PI16: variants seen among roughly 807,000 people sequenced by gnomAD.
The protein encoded by PI16 is PSP94-binding protein.
PI16 carries 35 observed loss-of-function variants against 38.0 expected under a neutral mutation model. The observed-to-expected ratio is 0.92, with a 90% CI of 0.70 to 1.22. PI16 has a LOEUF of 1.22. Among genes scored for constraint, PI16 ranks in the 50% most tolerant of loss-of-function variants. The pLI, the probability that PI16 is intolerant of heterozygous loss-of-function variation, is 0.00. For missense variants in PI16, 572 were observed against 593.8 expected (o/e 0.96, Z 0.38); for synonymous variants, 275 against 252.9 (o/e 1.09, Z -0.83).
In PI16 at chr6:36,954,899, G is replaced by A; in HGVS notation, c.139G>A (p.Val47Ile). ...VELHNLYRAQ[V>I]SPTASDMLHM... ...GCTGCACAACCTCTACCGGGCCCAG[G>A]TATCCCCGACGGCCTCAGACATGCT... Residue 47 changes from valine (V) to isoleucine (I), a missense_variant, in exon 1 of 7, where the codon GTA becomes ATA. Val to Ile is a conservative substitution (Grantham distance 29, BLOSUM62 3). Transcript: ENST00000373674. 8 of 1,613,702 alleles carry A rather than the reference G, an allele frequency of 5.0e-6. No individual in the cohort carries two copies. Among genetic ancestry groups the A allele is most frequent in the Non-Finnish European group, 6.8e-6 (8 of 1,180,014 alleles).
At position 36,954,996 on chromosome 6, in the gene PI16, G is replaced by A. The variant is rs1427662552; in HGVS notation, c.171+65G>A. The stretch of plus-strand genomic sequence containing the variant: ...GGTGCTGGCCAGGGTCTGTCACCAG[G>A]CTCTCTTACCCTGCTCCTCATGCTG... On this transcript the variant is annotated intron_variant, in intron 1 of 6. Transcript: ENST00000373674. The A allele has an allele frequency of 1.9e-6, 3 of 1,552,946 alleles. No homozygotes were observed. In the Admixed American group the frequency reaches 5.8e-5, roughly 30 times the overall value.
At chr6:36,950,838 C>T (rs370734979), upstream of PI16, among the ~76,000 whole-genome samples, 5 of 152,036 alleles carry the variant, frequency 3.3e-5, no homozygotes, top group East Asian at 3.9e-4. The surrounding 1 kb of genome is among the most constrained non-coding windows in gnomAD (Gnocchi z 4.2). Flanking sequence ...CCACCGTGCC[C>T]GGCCAAGTCC....
chr6:36,952,840 G>T (rs779039158), upstream of PI16, among the ~76,000 whole-genome samples: 3 of 152,110 alleles, frequency 2.0e-5, no homozygotes, highest in Non-Finnish European at 2.9e-5. Flanking sequence ...AAAATATTAT[G>T]ATTTGCATTT....
Position 36,963,440 on chromosome 6 carries a change from C to A in PI16, c.1098C>A (p.Ser366=). The change falls in exon 5 of 7, where the codon TCC becomes TCA. Residue 366 remains serine, a synonymous_variant. Coordinates refer to ENST00000373674, the MANE Select transcript of PI16 (RefSeq NM_153370.3). ...EAEAEAELPP[S]SEVLASVFPA... ...AGGCTGAGGCTGAGTTGCCTCCTTC[C>A]AGTGAGGTCTTGGCCTCAGTTTTTC... 6.2e-7 allele frequency: 1 copy of A among 1,614,170 alleles called. No individual in the cohort carries two copies. Among genetic ancestry groups the A allele is most frequent in the Non-Finnish European group, 8.5e-7 (1 of 1,180,036 alleles).
rs769595857 is a variant in PI16 at position 36,962,920 on chromosome 6, C to T, written c.593-15C>T. 38 of 1,594,628 alleles carry T rather than the reference C, an allele frequency of 2.4e-5. No homozygotes were observed. The highest frequency in any genetic ancestry group is 3.0e-5 in the Non-Finnish European group (35 of 1,168,730). On this transcript the variant is annotated splice_polypyrimidine_tract_variant and intron_variant, in intron 4 of 6. Coordinates refer to ENST00000373674, the MANE Select transcript of PI16 (RefSeq NM_153370.3). This position sits in a 1 kb window ranked among gnomAD's most constrained non-coding sequence, Gnocchi z 4.1. The stretch of plus-strand genomic sequence containing the variant: ...TGCTTGCAGCACTCATGCCCGTTCT[C>T]GTCTGTCTTATCAGAACCCATCGGA...
At chr6:36,952,484 T>G (rs2150732934), upstream of PI16, among the ~76,000 whole-genome samples, 1 of 152,374 alleles carries the variant, frequency 6.6e-6, no homozygotes, top group East Asian at 1.9e-4. Flanking sequence ...TTTTTTAATA[T>G]ACTTACGGTA....
chr6:36,963,116 T>A lies in PI16; in HGVS notation c.774T>A (p.Pro258=), dbSNP rs776831640. 4 of 1,614,104 alleles carry A rather than the reference T, an allele frequency of 2.5e-6. No individual in the cohort carries two copies. The highest frequency in any genetic ancestry group is 3.4e-6 in the Non-Finnish European group (4 of 1,180,044). ...GCTCCCTGGCAACCAAGGCTCTGCC[T>A]GCTGTGGAAACCCAGGCCCCAACTT... ...VSGSLATKAL[P]AVETQAPTSL... The change falls in exon 5 of 7, where the codon CCT becomes CCA. Residue 258 remains proline (P), a synonymous_variant. Coordinates refer to ENST00000373674, the MANE Select transcript of PI16 (RefSeq NM_153370.3).
intron 2 of PI16, 55 bp downstream of exon 2, chr6:36,959,421 A>C (rs1379061030): frequency 6.7e-7 from 1 of 1,488,810 alleles, no homozygotes; most frequent in Non-Finnish European, 9.0e-7. Flanking sequence ...GGGTGGGGCC[A>C]CGTGCTCCCT....
intron 3 of PI16, 67 bp from the exon 4 acceptor site, chr6:36,961,819 T>C: frequency 7.7e-7 from 1 of 1,307,066 alleles, no homozygotes; most frequent in African/African-American, 1.4e-5. Flanking sequence ...GGTGTGTGTA[T>C]AGGAGTTGGG....
intron 1 of PI16, among the ~76,000 whole-genome samples, chr6:36,955,199 G>A (rs1046567976): frequency 6.6e-6 from 1 of 152,190 alleles, no homozygotes; most frequent in African/African-American, 2.4e-5. Context: ...AGGCTCAGAG[G>A]GATTTGTTGG....
At position 36,962,950 on chromosome 6, in the gene PI16, C is replaced by G; in HGVS notation, c.608C>G (p.Pro203Arg). ...GTCTTATCAGAACCCATCGGAAGCCCGGAAGATGCTCAGGATTTGCCTTAC... is the reference window on the plus strand; with the variant it reads ...GTCTTATCAGAACCCATCGGAAGCCGGGAAGATGCTCAGGATTTGCCTTAC... The part of the protein sequence containing the change: ...KNSLCEPIGS[P>R]EDAQDLPYLV... Residue 203 changes from proline (P) to arginine (R), a missense_variant, in exon 5 of 7, where the codon CCG (proline) becomes CGG (arginine). Transcript: ENST00000373674. This position sits in a 1 kb window ranked among gnomAD's most constrained non-coding sequence, Gnocchi z 4.1. 6.2e-7 allele frequency: 1 copy of G among 1,612,894 alleles called. No homozygotes were observed. The highest frequency in any genetic ancestry group is 1.7e-5 in the Admixed American group (1 of 59,910).
At position 36,962,022 on chromosome 6, in the gene PI16, C is replaced by T. The variant is rs765659710; in HGVS notation, c.592+48C>T. 3.9e-5 allele frequency: 58 copies of T among 1,478,832 alleles called. No individual in the cohort carries two copies. The highest frequency in any genetic ancestry group is 3.6e-4 in the African/African-American group (26 of 72,206). The allele number at this position is 1,478,832 out of a possible 1,614,324, so 91.6% of individuals were successfully genotyped here. A position where few individuals can be genotyped will look rare whatever the true frequency, so the allele number is the denominator to read the frequency against. Reference sequence around the variant, plus strand: ...AGGGGCAGGGGGTGTGGAAATGATGCGATGCAGACTGGATGGTCTAAGAGC... The same window carrying T: ...AGGGGCAGGGGGTGTGGAAATGATGTGATGCAGACTGGATGGTCTAAGAGC... On this transcript the variant is annotated intron_variant, in intron 4 of 6. Transcript: ENST00000373674. This position sits in a 1 kb window ranked among gnomAD's most constrained non-coding sequence, Gnocchi z 4.1.
chr6:36,949,941 C>T (rs1763073234), upstream of PI16, among the ~76,000 whole-genome samples: 2 of 151,750 alleles, frequency 1.3e-5, no homozygotes, highest in Non-Finnish European at 2.9e-5. Flanking sequence ...GTTGTAAAGG[C>T]TCCCTCCAGA....
chr6:36,952,291 G>GC (rs1409224962), upstream of PI16, among the ~76,000 whole-genome samples: 3 of 152,216 alleles, frequency 2.0e-5, no homozygotes, highest in East Asian at 5.8e-4. Context: ...ACTACACTCT[G>GC]CCCCCGAAAG....
At chr6:36,959,831 A>G (rs1425371105) in intron 2 of PI16, among the ~76,000 whole-genome samples, 3 of 151,024 alleles carry the variant, frequency 2.0e-5, no homozygotes, top group Non-Finnish European at 4.4e-5. Context: ...TCACACCACT[A>G]CACTCCAGCC....
rs41272196 is a variant in PI16 at position 36,962,914 on chromosome 6, C to G, written c.593-21C>G. On this transcript the variant is annotated intron_variant, in intron 4 of 6. Transcript: ENST00000373674. The surrounding 1 kb of genome is among the most constrained non-coding windows in gnomAD (Gnocchi z 4.1). ...GGGTCCTGCTTGCAGCACTCATGCC[C>G]GTTCTCGTCTGTCTTATCAGAACCC... 10,206 of 1,586,156 alleles carry G rather than the reference C, an allele frequency of 6.4e-3. 108 individuals carry two copies. Among genetic ancestry groups the G allele is most frequent in the Middle Eastern group, 0.038 (215 of 5,674 alleles).
chr6:36,958,978 C>G (rs1279714678), intron 1 of PI16, among the ~76,000 whole-genome samples, 167 bp from the exon 2 acceptor site: 1 of 152,126 alleles, frequency 6.6e-6, no homozygotes. Flanking sequence ...CATCCTTCAC[C>G]GCCCCACAGA....
chr6:36,962,002 C>A lies in PI16; in HGVS notation c.592+28C>A, dbSNP rs1317558984. On this transcript the variant is annotated intron_variant, in intron 4 of 6. Transcript: ENST00000373674. This position sits in a 1 kb window ranked among gnomAD's most constrained non-coding sequence, Gnocchi z 4.1. ...GAGTCCACGGGTGGATGGGTAGGGGCAGGGGGTGTGGAAATGATGCGATGC... is the reference window on the plus strand; with the variant it reads ...GAGTCCACGGGTGGATGGGTAGGGGAAGGGGGTGTGGAAATGATGCGATGC... The A allele has an allele frequency of 1.3e-5, 21 of 1,575,420 alleles. No individual in the cohort carries two copies. Among genetic ancestry groups the A allele is most frequent in the Non-Finnish European group, 1.7e-5 (20 of 1,144,872 alleles).
In PI16 at chr6:36,961,909, C is replaced by T. The variant is rs866175581; in HGVS notation, c.527C>T (p.Pro176Leu). ...AGGGGGAACGTGAAGGGGAAACGGCCCTACCAGGAGGGGACTCCGTGCTCC... is the reference window on the plus strand; with the variant it reads ...AGGGGGAACGTGAAGGGGAAACGGCTCTACCAGGAGGGGACTCCGTGCTCC... Reference protein sequence around the residue: ...EPPGNVKGKRPYQEGTPCSQC... With the variant: ...EPPGNVKGKRLYQEGTPCSQC... Residue 176 changes from proline (P) to leucine (L), a missense_variant, in exon 4 of 7, where the codon CCC becomes CTC. Transcript: ENST00000373674. 6.2e-7 allele frequency: 1 copy of T among 1,614,102 alleles called. No individual in the cohort carries two copies. Among genetic ancestry groups the T allele is most frequent in the Middle Eastern group, 1.6e-4 (1 of 6,062 alleles).
Sources: gnomAD v4.1 joint callset for allele counts (sites outside exome capture counted in the v4.1 genomes callset) on GRCh38, gnomAD v4.1.1 for gene constraint, Gnocchi (gnomAD v3.1) non-coding constraint, MANE v1.5 for transcripts, NCBI Gene and HGNC (gene_info 2026-07-23, HGNC 2026-07-21) for gene names.